The following KRABD3 variants were observed in gnomAD, a reference collection of about 807,000 sequenced individuals.
The protein encoded by KRABD3 is KRAB domain-containing protein 3.
the KRABD3 span, chr7:149,720,991 G>A: frequency 6.2e-7 from 1 of 1,613,326 alleles, no homozygotes; most frequent in Middle Eastern, 1.7e-4. Flanking sequence ...AGCCCCGAGG[G>A]TAAGTCAGAC....
chr7:149,720,071 G>C, the KRABD3 span: 6 of 1,553,434 alleles, frequency 3.9e-6, no homozygotes, highest in East Asian at 2.4e-5. Flanking sequence ...AGAGCTGTTG[G>C]GGGAGGGAGC....
the KRABD3 span, chr7:149,724,742 G>C: frequency 1.3e-6 from 2 of 1,557,160 alleles, no homozygotes; most frequent in African/African-American, 2.7e-5. Flanking sequence ...TGGGTCCAGA[G>C]CCCCCCAGGA....
the KRABD3 span, chr7:149,725,779 G>C: frequency 2.8e-6 from 3 of 1,090,730 alleles, no homozygotes; most frequent in East Asian, 7.8e-5. Context: ...GGAAACCCTA[G>C]TGGGAGATAC....
the KRABD3 span, chr7:149,733,816 CG>C: frequency 6.2e-5 from 100 of 1,604,258 alleles, no homozygotes; most frequent in Middle Eastern, 3.3e-4. Context: ...TCGCACATAC[CG>C]GGGGCCACCA....
At chr7:149,720,935 C>T in the KRABD3 span, 1 of 1,613,656 alleles carries the variant, frequency 6.2e-7, no homozygotes, top group Non-Finnish European at 8.5e-7. Flanking sequence ...CTATGGACAG[C>T]CCCGAGAGCG....
At chr7:149,722,365 A>AT in the KRABD3 span, 6 of 1,563,706 alleles carry the variant, frequency 3.8e-6, no homozygotes, top group Non-Finnish European at 5.2e-6. Context: ...ATCTGGTGTG[A>AT]TTTTCCAGAG....
At chr7:149,724,883 C>T in the KRABD3 span, 26 of 1,499,308 alleles carry the variant, frequency 1.7e-5, no homozygotes, top group Non-Finnish European at 2.1e-5. Flanking sequence ...TGGTGGTCTT[C>T]CCCATGGGCT....
the KRABD3 span, chr7:149,721,015 A>T: frequency 3.7e-6 from 6 of 1,611,434 alleles, no homozygotes; most frequent in Admixed American, 1.0e-4. Context: ...GGGGCAGTGC[A>T]CGCAGCCTCC....
chr7:149,732,972 C>T, the KRABD3 span, among the ~76,000 whole-genome samples: 2 of 152,336 alleles, frequency 1.3e-5, no homozygotes, highest in Non-Finnish European at 2.9e-5. The surrounding 1 kb of genome is among the most constrained non-coding windows in gnomAD (Gnocchi z 4.0). Flanking sequence ...ACCACGGAAA[C>T]CCAACCTGTG....
At chr7:149,717,995 A>G in the KRABD3 span, among the ~76,000 whole-genome samples, 1 of 152,068 alleles carries the variant, frequency 6.6e-6, no homozygotes, top group East Asian at 2.0e-4. Context: ...ATGGGGTTTC[A>G]CCATGTTGGC....
chr7:149,730,520 G>A, the KRABD3 span: 1 of 1,611,548 alleles, frequency 6.2e-7, no homozygotes, highest in Non-Finnish European at 8.5e-7. Flanking sequence ...CAGCCCTGGT[G>A]AAGACCCCAG....
the KRABD3 span, chr7:149,729,961 G>A: frequency 7.7e-7 from 1 of 1,291,746 alleles, no homozygotes; most frequent in African/African-American, 1.5e-5. Context: ...TGGGGTCCTG[G>A]CCAGGCTCTG....
At chr7:149,732,610 C>CTT in the KRABD3 span, among the ~76,000 whole-genome samples, 14,681 of 151,188 alleles carry the variant, frequency 0.097, 885 homozygotes, top group African/African-American at 0.16. This position sits in a 1 kb window ranked among gnomAD's most constrained non-coding sequence, Gnocchi z 4.0. Context: ...ATTAGGTGAT[C>CTT]TTTTTTTAAA....
the KRABD3 span, chr7:149,723,516 C>A: frequency 5.4e-6 from 3 of 551,956 alleles, no homozygotes; most frequent in African/African-American, 3.8e-5. Context: ...AGTGATGCCA[C>A]TTGTCTGCCT....
chr7:149,724,740 G>T, the KRABD3 span: 1 of 1,556,406 alleles, frequency 6.4e-7, no homozygotes, highest in Non-Finnish European at 8.7e-7. Flanking sequence ...GCTGGGTCCA[G>T]AGCCCCCCAG....
chr7:149,730,605 T>C, the KRABD3 span: 3 of 1,599,470 alleles, frequency 1.9e-6, no homozygotes, highest in South Asian at 3.3e-5. Flanking sequence ...GCCCATGCGT[T>C]CCCCAGAGGA....
At chr7:149,733,401 G>T in the KRABD3 span, 3 of 1,608,380 alleles carry the variant, frequency 1.9e-6, no homozygotes, top group African/African-American at 1.3e-5. Context: ...AAGCTGGATC[G>T]GCTCGCCACA....
the KRABD3 span, chr7:149,729,069 C>T: frequency 2.5e-6 from 2 of 785,410 alleles, no homozygotes; most frequent in South Asian, 4.9e-5. Context: ...GTGTTTCCCA[C>T]ACCTGATGCT....
At chr7:149,719,933 C>T in the KRABD3 span, 1 of 1,465,328 alleles carries the variant, frequency 6.8e-7, no homozygotes, top group South Asian at 1.4e-5. The surrounding 1 kb of genome is among the most constrained non-coding windows in gnomAD (Gnocchi z 5.6). Flanking sequence ...CTGCAGGGGC[C>T]TGGGCTGCTA....
Sources: allele counts gnomAD v4.1 joint callset (sites outside exome capture counted in the v4.1 genomes callset), GRCh38; gene constraint gnomAD v4.1.1; non-coding constraint Gnocchi (gnomAD v3.1); transcripts MANE v1.5; gene names NCBI Gene and HGNC (gene_info 2026-07-23, HGNC 2026-07-21).